The following LRRTM4 variants were observed in gnomAD, a reference collection of about 807,000 sequenced individuals.
LRRTM4 encodes the protein leucine-rich repeat transmembrane neuronal protein 4.
LRRTM4 carries 25 observed loss-of-function variants against 47.6 expected under a neutral mutation model. The observed-to-expected ratio is 0.53, with a 90% CI of 0.38 to 0.73. The LOEUF is 0.73. Ranked by LOEUF, LRRTM4 falls within the 30% of genes least tolerant of loss-of-function variation. LRRTM4 has a pLI of 0.00. For missense variants in LRRTM4, 638 were observed against 713.4 expected (o/e 0.89, Z 1.20); for synonymous variants, 311 against 269.5 (o/e 1.15, Z -1.51).
At chr2:77,268,669 T>A (rs1196206358) in intron 3 of LRRTM4, among the ~76,000 whole-genome samples, 1 of 152,158 alleles carries the variant, frequency 6.6e-6, no homozygotes, top group Non-Finnish European at 1.5e-5. Context: ...TATACAATAG[T>A]TGTACTCAAT....
intron 3 of LRRTM4, among the ~76,000 whole-genome samples, chr2:76,980,140 T>G (rs906343032): frequency 7.0e-4 from 106 of 152,034 alleles, no homozygotes; most frequent in African/African-American, 2.3e-3. Context: ...TGTTCTTCTG[T>G]GCAGATGGAG....
chr2:76,755,053 A>G (rs1672980194), intron 3 of LRRTM4, among the ~76,000 whole-genome samples: 1 of 152,146 alleles, frequency 6.6e-6, no homozygotes, highest in Admixed American at 6.6e-5. Context: ...GTGATTTGTT[A>G]TACAGTAAAA....
At chr2:77,414,602 A>T (rs193136774) in intron 3 of LRRTM4, among the ~76,000 whole-genome samples, 1 of 152,346 alleles carries the variant, frequency 6.6e-6, no homozygotes, top group Non-Finnish European at 1.5e-5. Flanking sequence ...ATTTGCCATC[A>T]GTAACGGATG....
intron 3 of LRRTM4, among the ~76,000 whole-genome samples, chr2:77,047,416 A>C (rs997363172): frequency 5.3e-5 from 8 of 152,170 alleles, no homozygotes; most frequent in African/African-American, 1.7e-4. Flanking sequence ...GTGAAGGCTA[A>C]AACTCTGAGA....
At chr2:77,020,232 A>G (rs1316825228) in intron 3 of LRRTM4, among the ~76,000 whole-genome samples, 1 of 152,102 alleles carries the variant, frequency 6.6e-6, no homozygotes, top group Non-Finnish European at 1.5e-5. Context: ...TAAAAAATAA[A>G]AACCTTAATA....
intron 3 of LRRTM4, among the ~76,000 whole-genome samples, chr2:76,923,692 AT>A (rs1188920665): frequency 6.6e-6 from 1 of 152,016 alleles, no homozygotes; most frequent in African/African-American, 2.4e-5. Flanking sequence ...CCTTTAGTCA[AT>A]CCCACTGTAC....
At chr2:77,166,117 A>G (rs2103821410) in intron 3 of LRRTM4, among the ~76,000 whole-genome samples, 1 of 152,336 alleles carries the variant, frequency 6.6e-6, no homozygotes, top group East Asian at 1.9e-4. Flanking sequence ...AAGTCTCAGG[A>G]TATAAAATTA....
At chr2:76,849,412 A>C (rs542248042) in intron 3 of LRRTM4, among the ~76,000 whole-genome samples, 1 of 152,240 alleles carries the variant, frequency 6.6e-6, no homozygotes, top group African/African-American at 2.4e-5. Context: ...GAAGGCTGAA[A>C]ATACAGAGCT....
chr2:76,904,025 T>C (rs151078128), intron 3 of LRRTM4, among the ~76,000 whole-genome samples: 7 of 152,342 alleles, frequency 4.6e-5, no homozygotes, highest in African/African-American at 1.7e-4. Context: ...GCCCAGTGCT[T>C]CACATTCAAA....
intron 3 of LRRTM4, among the ~76,000 whole-genome samples, chr2:76,840,949 C>G (rs1208967075): frequency 1.3e-5 from 2 of 151,666 alleles, no homozygotes. Context: ...GATTATAAAT[C>G]ATGCTGCTAT....
intron 3 of LRRTM4, among the ~76,000 whole-genome samples, chr2:77,150,198 AC>A (rs1454280668): frequency 2.6e-5 from 4 of 152,192 alleles, no homozygotes; most frequent in Admixed American, 6.5e-5. Context: ...AAAATAGGAT[AC>A]TAAGATTATA....
At chr2:76,802,743 C>T (rs1018468911) in intron 3 of LRRTM4, among the ~76,000 whole-genome samples, 2 of 151,936 alleles carry the variant, frequency 1.3e-5, no homozygotes, top group South Asian at 2.1e-4. Flanking sequence ...CAAAACAGCA[C>T]AATACTGGTA....
chr2:76,831,399 A>G (rs767219812), intron 3 of LRRTM4, among the ~76,000 whole-genome samples: 1 of 151,768 alleles, frequency 6.6e-6, no homozygotes. Flanking sequence ...CATATTGTTG[A>G]CTCTGTGTTC....
intron 3 of LRRTM4, among the ~76,000 whole-genome samples, chr2:77,443,344 T>C (rs1259510736): frequency 2.0e-5 from 3 of 152,086 alleles, no homozygotes. Context: ...ATTACTTAGA[T>C]GTTTTGGTAG....
intron 3 of LRRTM4, among the ~76,000 whole-genome samples, chr2:76,935,868 C>A (rs1674928613): frequency 6.6e-6 from 1 of 152,138 alleles, no homozygotes; most frequent in South Asian, 2.1e-4. Context: ...GCCAGAACTT[C>A]CAATATTATG....
intron 3 of LRRTM4, chr2:77,517,295 A>C: frequency 1.0e-6 from 1 of 983,352 alleles, no homozygotes; most frequent in Non-Finnish European, 1.2e-6. Context: ...TGGAAGGTAC[A>C]CCTTTATTTG....
chr2:77,137,013 A>T (rs1256738006), intron 3 of LRRTM4, among the ~76,000 whole-genome samples: 3 of 151,946 alleles, frequency 2.0e-5, no homozygotes, highest in Non-Finnish European at 4.4e-5. Flanking sequence ...GTGTACCTGA[A>T]AGTGACAGGG....
intron 3 of LRRTM4, among the ~76,000 whole-genome samples, chr2:77,500,601 C>T (rs895006922): frequency 3.2e-4 from 48 of 151,554 alleles, no homozygotes; most frequent in African/African-American, 1.1e-3. Context: ...TATTCTCCTG[C>T]ACACTTGACT....
intron 3 of LRRTM4, among the ~76,000 whole-genome samples, chr2:77,208,412 T>A (rs758960523): frequency 6.6e-6 from 1 of 152,160 alleles, no homozygotes; most frequent in Non-Finnish European, 1.5e-5. Flanking sequence ...GAATTTCTTC[T>A]ATATACAAGA....
Sources: allele counts gnomAD v4.1 joint callset (sites outside exome capture counted in the v4.1 genomes callset), GRCh38; gene constraint gnomAD v4.1.1; transcripts MANE v1.5; gene names NCBI Gene and HGNC (gene_info 2026-07-23, HGNC 2026-07-21).